ADGRV1: variants seen among roughly 807,000 people sequenced by gnomAD.
ADGRV1 encodes G-protein coupled receptor 98.
A neutral mutation model predicts 596.2 loss-of-function variants in ADGRV1; 359 were observed. That is an observed-to-expected ratio of 0.60 (90% CI 0.55 to 0.66). The LOEUF is 0.66. Ranked by LOEUF, ADGRV1 falls within the 30% of genes least tolerant of loss-of-function variation. The pLI, the probability that ADGRV1 is intolerant of heterozygous loss-of-function variation, is 0.00. For synonymous variants in ADGRV1, 2,681 were observed against 2,679.2 expected, an observed-to-expected ratio of 1.00 and a Z score of -0.02; for missense variants, 7,274 against 7,575.6, an observed-to-expected ratio of 0.96 and a Z score of 1.48.
At chr5:90,866,775 A>G (rs915235942) in intron 83 of ADGRV1, among the ~76,000 whole-genome samples, 1 of 152,268 alleles carries the variant, frequency 6.6e-6, no homozygotes, top group African/African-American at 2.4e-5. Context: ...CTTCATCATT[A>G]TATTTATGAG....
chr5:90,569,379 ATATATATATTTTTTTTTTTTTTTTTT>A (rs1415581335), intron 1 of ADGRV1, among the ~76,000 whole-genome samples: 2 of 22,292 alleles, frequency 9.0e-5, no homozygotes, highest in African/African-American at 5.0e-4. Flanking sequence ...ATATATATAT[ATATATATATTTTTTTTTTTTTTTTTT>A]TTTTTTTTTT....
chr5:91,015,202 C>A (rs1459460525), intron 85 of ADGRV1, among the ~76,000 whole-genome samples: 2 of 152,030 alleles, frequency 1.3e-5, no homozygotes, highest in African/African-American at 4.8e-5. Flanking sequence ...GAGCAATTGT[C>A]TTAGTCTTGA....
chr5:90,795,255 A>G (rs1760564958), intron 70 of ADGRV1, among the ~76,000 whole-genome samples: 1 of 152,126 alleles, frequency 6.6e-6, no homozygotes, highest in Non-Finnish European at 1.5e-5. Flanking sequence ...CTGGTTTGAA[A>G]TTCTCGCTGC....
chr5:90,560,715 C>T (rs1463831335), intron 1 of ADGRV1, among the ~76,000 whole-genome samples: 1 of 152,052 alleles, frequency 6.6e-6, no homozygotes, highest in Admixed American at 6.5e-5. Flanking sequence ...TATCAGTCTC[C>T]ATTTATTATA....
At chr5:90,945,891 G>A (rs1041248513) in intron 83 of ADGRV1, among the ~76,000 whole-genome samples, 10 of 151,964 alleles carry the variant, frequency 6.6e-5, no homozygotes. Context: ...GATGGGAGGA[G>A]CACTTGACCC....
chr5:91,017,708 C>G (rs1475759092), intron 85 of ADGRV1, among the ~76,000 whole-genome samples: 1 of 151,808 alleles, frequency 6.6e-6, no homozygotes, highest in Non-Finnish European at 1.5e-5. Context: ...GAATTTACCC[C>G]CAGGACAATG....
rs1215955488 is a variant in ADGRV1, at chr5:90,628,581, G to T, written c.1258G>T (p.Val420Phe). The change falls in exon 8 of 90, where the codon GTT becomes TTT. Residue 420 changes from valine to phenylalanine, a missense_variant. Physicochemically the swap from Val to Phe is conservative, Grantham distance 50. Transcript: ENST00000405460. ...RISRYEEITV[V>F]RNGGTHGNVS... ...TTTAAGATATGAAGAAATCACAGTG[G>T]TTAGAAATGGAGGAACCCATGGGAA... The T allele has an allele frequency of 1.2e-6, 2 of 1,613,742 alleles. No homozygotes were observed. The highest frequency in any genetic ancestry group is 4.5e-5 in the East Asian group (2 of 44,884).
At chr5:90,635,313 A>AT (rs774512689) in intron 10 of ADGRV1, 23 bp downstream of exon 10, 1 of 1,576,376 alleles carries the variant, frequency 6.3e-7, no homozygotes, top group African/African-American at 1.4e-5. Flanking sequence ...TTTCTTACTG[A>AT]TGGGGGCTAA....
intron 57 of ADGRV1, among the ~76,000 whole-genome samples, chr5:90,757,684 T>G (rs939485620): frequency 2.6e-5 from 4 of 152,210 alleles, no homozygotes; most frequent in Non-Finnish European, 4.4e-5. Context: ...ATATTCTAGA[T>G]TTAGGCTAAC....
intron 85 of ADGRV1, among the ~76,000 whole-genome samples, chr5:91,017,444 A>C (rs929006180): frequency 4.6e-5 from 7 of 151,894 alleles, no homozygotes; most frequent in Non-Finnish European, 1.0e-4. Context: ...GGAGAGCTCA[A>C]GTTGTTTATA....
At chr5:90,629,182 A>C in intron 8 of ADGRV1, 28 bp from the exon 9 acceptor site, 1 of 1,315,208 alleles carries the variant, frequency 7.6e-7, no homozygotes. Context: ...AGAATTCTGT[A>C]CTTTAATATT....
intron 55 of ADGRV1, 55 bp from the exon 56 acceptor site, chr5:90,756,399 C>A (rs949115518): frequency 6.0e-6 from 7 of 1,162,020 alleles, no homozygotes; most frequent in Admixed American, 4.8e-5. Flanking sequence ...GTATTCAATG[C>A]AAGTTAAATG....
intron 83 of ADGRV1, among the ~76,000 whole-genome samples, chr5:90,949,605 G>T (rs890001579): frequency 1.3e-5 from 2 of 152,184 alleles, no homozygotes; most frequent in African/African-American, 4.8e-5. Context: ...AGGACAGGTG[G>T]TGGGAAAAAT....
chr5:91,126,372 A>G (rs150565644), intron 87 of ADGRV1, among the ~76,000 whole-genome samples: 1 of 152,366 alleles, frequency 6.6e-6, no homozygotes, highest in African/African-American at 2.4e-5. Context: ...TACCAAAACA[A>G]TGTTTACATG....
intron 86 of ADGRV1, among the ~76,000 whole-genome samples, chr5:91,086,023 C>T (rs1789843462): frequency 1.3e-5 from 2 of 152,144 alleles, no homozygotes; most frequent in South Asian, 4.1e-4. Flanking sequence ...TTCAATTCTT[C>T]TGTAGAAATC....
At chr5:90,951,306 T>C (rs1561989644) in intron 83 of ADGRV1, among the ~76,000 whole-genome samples, 1 of 152,214 alleles carries the variant, frequency 6.6e-6, no homozygotes, top group Non-Finnish European at 1.5e-5. Context: ...ATTTTTTAAG[T>C]AATACATGTT....
rs764592373 is a variant in ADGRV1, at chr5:91,150,168, G to C, written c.18571G>C (p.Ala6191Pro). Residue 6191 changes from alanine to proline, a missense_variant, in exon 88 of 90, where the codon GCT (alanine) becomes CCT (proline). Physicochemically the swap from Ala to Pro is conservative, Grantham distance 27. Coordinates refer to ENST00000405460, the MANE Select transcript of ADGRV1 (RefSeq NM_032119.4). ...FFTPGSGMPP[A>P]GGEISKSTQN... ...CACGCCCGGGAGTGGAATGCCTCCT[G>C]CTGGAGGGGAAATCAGCAAGTCCAC... The C allele has an allele frequency of 1.9e-6, 3 of 1,594,792 alleles. No individual in the cohort carries two copies. The highest frequency in any genetic ancestry group is 4.5e-5 in the East Asian group (2 of 44,596).
Position 90,658,059 on chromosome 5 carries a change from T to C in ADGRV1, c.4533T>C (p.Ser1511=). 6 of 1,613,964 alleles carry C rather than the reference T, an allele frequency of 3.7e-6. No homozygotes were observed. Among genetic ancestry groups the C allele is most frequent in the Non-Finnish European group, 5.1e-6 (6 of 1,179,862 alleles). The change falls in exon 21 of 90, where the codon TCT becomes TCC. Residue 1511 remains serine (S), a synonymous_variant. Coordinates refer to ENST00000405460, the MANE Select transcript of ADGRV1 (RefSeq NM_032119.4). The stretch of plus-strand genomic sequence containing the variant: ...CAAAAAGTGATTTACACCCAATTTC[T>C]GGATATCTGGAGTTCAGACAGGGAG... ...MPAKSDLHPI[S]GYLEFRQGET...
intron 85 of ADGRV1, among the ~76,000 whole-genome samples, chr5:91,044,593 T>G (rs1562134966): frequency 6.6e-6 from 1 of 152,146 alleles, no homozygotes; most frequent in Non-Finnish European, 1.5e-5. Context: ...TTAAGTGGGT[T>G]AAGTAAAAAT....
Sources: allele counts gnomAD v4.1 joint callset (sites outside exome capture counted in the v4.1 genomes callset), GRCh38; gene constraint gnomAD v4.1.1; transcripts MANE v1.5; gene names NCBI Gene and HGNC (gene_info 2026-07-23, HGNC 2026-07-21).